The following GMDS variants were observed in gnomAD, a reference collection of about 807,000 sequenced individuals.
The protein encoded by GMDS is GDP-mannose 4,6 dehydratase.
A neutral mutation model predicts 49.9 loss-of-function variants in GMDS; 20 were observed. The observed-to-expected ratio is 0.40, with a 90% CI of 0.28 to 0.58. The LOEUF is 0.58. Among genes scored for constraint, GMDS ranks in the 20% least tolerant of loss-of-function variants. The probability of loss-of-function intolerance (pLI) is 0.42; values close to 1 mark genes in which losing one functional copy is unlikely to be tolerated. For missense variants in GMDS, 362 were observed against 481.4 expected (o/e 0.75, Z 2.32); for synonymous variants, 177 against 178.6 (o/e 0.99, Z 0.07).
intron 1 of GMDS, among the ~76,000 whole-genome samples, chr6:2,241,619 G>A (rs1403621696): frequency 2.6e-5 from 4 of 152,052 alleles, no homozygotes; most frequent in African/African-American, 9.7e-5. Context: ...ATTAGCTCCC[G>A]CTAGAGCCGG....
At chr6:2,145,552 A>C (rs955071384) in intron 1 of GMDS, among the ~76,000 whole-genome samples, 2 of 151,706 alleles carry the variant, frequency 1.3e-5, no homozygotes, top group African/African-American at 2.4e-5. Flanking sequence ...TAAATAAATA[A>C]ATAAATAAAT....
chr6:1,965,001 T>G (rs1004549096), intron 4 of GMDS, among the ~76,000 whole-genome samples: 12 of 151,852 alleles, frequency 7.9e-5, no homozygotes, highest in African/African-American at 2.9e-4. Context: ...GGACATGAAC[T>G]CATCATTTTT....
Position 1,999,364 on chromosome 6 carries a change from A to G in GMDS, c.346-38398T>C, listed in dbSNP as rs527419008. 4.6e-5 allele frequency among the ~76,000 whole-genome samples: 7 copies of G among 151,470 alleles called. 1 individual carries two copies. In the South Asian group the frequency reaches 1.3e-3, roughly 27 times the overall value. Reference sequence around the variant, plus strand: ...AACTGCAGATAATGAATTAACTGCAATTGTTCAGAAAGATATTAAAAGATG... The same window carrying G: ...AACTGCAGATAATGAATTAACTGCAGTTGTTCAGAAAGATATTAAAAGATG... On this transcript the variant is annotated intron_variant, in intron 4 of 10. Coordinates refer to ENST00000380815, the MANE Select transcript of GMDS (RefSeq NM_001500.4).
chr6:2,100,296 A>G (rs1773847534), intron 4 of GMDS, among the ~76,000 whole-genome samples: 1 of 152,126 alleles, frequency 6.6e-6, no homozygotes, highest in South Asian at 2.1e-4. Flanking sequence ...TTGCCAATAT[A>G]GTGAAATCGT....
At chr6:1,875,583 A>C (rs116504128) in intron 7 of GMDS, among the ~76,000 whole-genome samples, 4,340 of 152,262 alleles carry the variant, frequency 0.029, 206 homozygotes, top group African/African-American at 0.099. Context: ...TATTCTTATC[A>C]CTATTCTTAA....
intron 4 of GMDS, among the ~76,000 whole-genome samples, chr6:2,106,503 A>G (rs1332827542): frequency 6.6e-6 from 1 of 152,176 alleles, no homozygotes; most frequent in Admixed American, 6.5e-5. Context: ...GAGATACATT[A>G]TGGTATTAAA....
chr6:1,788,247 G>C (rs1284140512), intron 7 of GMDS, among the ~76,000 whole-genome samples: 1 of 152,212 alleles, frequency 6.6e-6, no homozygotes, highest in African/African-American at 2.4e-5. Flanking sequence ...GGAGGAACAG[G>C]CAGGCTTAAA....
rs570652508 is a variant in GMDS at position 1,687,579 on chromosome 6, C to T, written c.987+38837G>A. 4.0e-5 allele frequency among the ~76,000 whole-genome samples: 4 copies of T among 99,568 alleles called. No individual in the cohort carries two copies. The South Asian group carries it at 1.3e-3, about 32-fold the overall frequency. 65.3% of individuals were successfully genotyped at this position (99,568 alleles called of 152,430 possible). On this transcript the variant is annotated intron_variant, in intron 9 of 10. Transcript: ENST00000380815. Reference sequence around the variant, plus strand: ...CGTCCTTCTCCTGTGTTCCAGGCACCGTCCTTGACACTAGGGAGAGAGTTG... The same window carrying T: ...CGTCCTTCTCCTGTGTTCCAGGCACTGTCCTTGACACTAGGGAGAGAGTTG...
intron 2 of GMDS, among the ~76,000 whole-genome samples, chr6:2,120,219 T>C (rs1373415099): frequency 6.6e-6 from 1 of 152,172 alleles, no homozygotes; most frequent in Non-Finnish European, 1.5e-5. Context: ...ACTGGTCCCA[T>C]TCCATGAATG....
chr6:1,928,355 C>A (rs1421488184), intron 7 of GMDS, among the ~76,000 whole-genome samples: 1 of 146,942 alleles, frequency 6.8e-6, no homozygotes, highest in African/African-American at 2.5e-5. Flanking sequence ...CAGAGCGAGA[C>A]TCTGCCTTAA....
At chr6:1,632,196 C>A (rs745704791) in intron 9 of GMDS, among the ~76,000 whole-genome samples, 44 of 152,192 alleles carry the variant, frequency 2.9e-4, no homozygotes, top group Non-Finnish European at 5.3e-4. Context: ...CTCAATAGGA[C>A]AAAACCCTCT....
At position 1,836,548 on chromosome 6, in the gene GMDS, T is replaced by G. The variant is rs909462701; in HGVS notation, c.771+93555A>C. ...TGCTGGTGCATACTTTATGATAAAA[T>G]AGCTAATGTCCTTTCATTAGTATAA... is the stretch of plus-strand genomic sequence containing the variant. On this transcript the variant is annotated intron_variant, in intron 7 of 10. Coordinates refer to ENST00000380815, the MANE Select transcript of GMDS (RefSeq NM_001500.4). The surrounding 1 kb of genome is among the most constrained non-coding windows in gnomAD (Gnocchi z 4.2). Among the ~76,000 whole-genome samples the G allele has an allele frequency of 6.6e-6, 1 of 152,252 alleles. No individual in the cohort carries two copies. The highest frequency in any genetic ancestry group is 2.4e-5 in the African/African-American group (1 of 41,466).
rs141007951 is a variant in GMDS at position 1,886,514 on chromosome 6, C to T, written c.771+43589G>A. ...AGCATTCTCAATAAAAAATAGACTA[C>T]TAGAATTACTAATAGCATTCTCAAT... On this transcript the variant is annotated intron_variant, in intron 7 of 10. Coordinates refer to ENST00000380815, the MANE Select transcript of GMDS (RefSeq NM_001500.4). Among the ~76,000 whole-genome samples, 173 of 152,232 alleles carry T rather than the reference C, an allele frequency of 1.1e-3. 1 individual carries two copies. Among genetic ancestry groups the T allele is most frequent in the African/African-American group, 3.9e-3 (160 of 41,542 alleles).
intron 7 of GMDS, among the ~76,000 whole-genome samples, chr6:1,765,506 T>C (rs1768316197): frequency 6.6e-6 from 1 of 152,176 alleles, no homozygotes; most frequent in African/African-American, 2.4e-5. Context: ...TTCATTCGCA[T>C]TGTTTCAGTG....
At chr6:1,987,212 C>A (rs1765604886) in intron 4 of GMDS, among the ~76,000 whole-genome samples, 1 of 152,040 alleles carries the variant, frequency 6.6e-6, no homozygotes, top group Admixed American at 6.5e-5. Flanking sequence ...TTCATATTTT[C>A]CTTATTTGTG....
intron 9 of GMDS, among the ~76,000 whole-genome samples, chr6:1,713,953 C>CA (rs1766075968): frequency 6.6e-6 from 1 of 152,122 alleles, no homozygotes; most frequent in South Asian, 2.1e-4. Flanking sequence ...AATTTTCCAC[C>CA]AAAATGGATG....
chr6:2,201,283 C>G (rs1458830785), intron 1 of GMDS, among the ~76,000 whole-genome samples: 16 of 108,830 alleles, frequency 1.5e-4, no homozygotes, highest in African/African-American at 2.9e-4. Flanking sequence ...AGGATGAAGA[C>G]AGAACACCAC....
intron 6 of GMDS, chr6:1,952,138 A>G: frequency 3.8e-6 from 1 of 261,794 alleles, no homozygotes; most frequent in Non-Finnish European, 5.9e-6. Flanking sequence ...TGCTGAAAAA[A>G]GGGAGATGAA....
chr6:1,856,626 T>C (rs987673370), intron 7 of GMDS, among the ~76,000 whole-genome samples: 2 of 152,236 alleles, frequency 1.3e-5, no homozygotes, highest in South Asian at 4.1e-4. Flanking sequence ...AAGGAAGCTG[T>C]AGCGGATCTG....
Sources: allele counts gnomAD v4.1 joint callset (sites outside exome capture counted in the v4.1 genomes callset), GRCh38; gene constraint gnomAD v4.1.1; non-coding constraint Gnocchi (gnomAD v3.1); transcripts MANE v1.5; gene names NCBI Gene and HGNC (gene_info 2026-07-23, HGNC 2026-07-21).